Variants in UBE2QL1 observed in about 807,000 individuals in gnomAD.
UBE2QL1 encodes the protein ubiquitin conjugating enzyme E2 QL1.
UBE2QL1 carries 5 observed loss-of-function variants against 12.6 expected under a neutral mutation model. The observed-to-expected ratio is 0.40, with a 90% CI of 0.21 to 0.83. The LOEUF is 0.83. Among genes scored for constraint, UBE2QL1 ranks in the 40% least tolerant of loss-of-function variants. The pLI is 0.37. For missense variants in UBE2QL1, 99 were observed against 222.6 expected, an observed-to-expected ratio of 0.44 and a Z score of 3.53; for synonymous variants, 96 against 94.5, an observed-to-expected ratio of 1.02 and a Z score of -0.10.
At chr5:6,469,858 A>G (rs1352748091) in intron 1 of UBE2QL1, among the ~76,000 whole-genome samples, 2 of 152,232 alleles carry the variant, frequency 1.3e-5, no homozygotes, top group East Asian at 3.9e-4. Flanking sequence ...TGACGATAAC[A>G]ATTTATTAGA....
At chr5:6,451,028 G>C (rs968678287) in intron 1 of UBE2QL1, among the ~76,000 whole-genome samples, 1 of 152,162 alleles carries the variant, frequency 6.6e-6, no homozygotes, top group African/African-American at 2.4e-5. Context: ...TTTGCTTCTT[G>C]AATCATTGCT....
intron 1 of UBE2QL1, among the ~76,000 whole-genome samples, chr5:6,455,350 T>A (rs1263589126): frequency 6.6e-6 from 1 of 152,102 alleles, no homozygotes; most frequent in African/African-American, 2.4e-5. Flanking sequence ...CAGAGGCAGA[T>A]AAGACACCAG....
At chr5:6,460,862 C>T (rs1204221114) in intron 1 of UBE2QL1, among the ~76,000 whole-genome samples, 1 of 152,202 alleles carries the variant, frequency 6.6e-6, no homozygotes, top group African/African-American at 2.4e-5. Flanking sequence ...TTCTTTGTTA[C>T]AGAATGCAAT....
rs750077505 is a variant in UBE2QL1, at chr5:6,496,679, T to A, written c.*5330T>A. ...CTAATGAGAAAAAAAAAACAATGAT[T>A]CTAGAAAATAAAACTTTAAAACCAA... On this transcript the variant is annotated 3_prime_UTR_variant, in exon 2 of 2. Transcript: ENST00000399816. Among the ~76,000 whole-genome samples, 115 of 152,086 alleles carry A rather than the reference T, an allele frequency of 7.6e-4. 4 individuals are homozygous for A. The highest frequency in any genetic ancestry group is 1.8e-4 in the Non-Finnish European group (12 of 68,014).
intron 1 of UBE2QL1, among the ~76,000 whole-genome samples, chr5:6,457,892 C>T (rs1181724854): frequency 6.6e-6 from 1 of 152,214 alleles, no homozygotes; most frequent in Non-Finnish European, 1.5e-5. Context: ...AATCAATCCA[C>T]GAGAGGACGG....
intron 1 of UBE2QL1, among the ~76,000 whole-genome samples, chr5:6,483,010 G>A (rs905409560): frequency 6.6e-6 from 1 of 152,162 alleles, no homozygotes; most frequent in Non-Finnish European, 1.5e-5. Flanking sequence ...CGCCAGCAAG[G>A]CCTCCCTGCT....
intron 1 of UBE2QL1, among the ~76,000 whole-genome samples, chr5:6,452,107 T>C (rs1739423549): frequency 6.6e-6 from 1 of 152,238 alleles, no homozygotes; most frequent in South Asian, 2.1e-4. Context: ...CAGCTGAACT[T>C]TGTGAATTGA....
chr5:6,456,160 C>G (rs1053644058), intron 1 of UBE2QL1, among the ~76,000 whole-genome samples: 3 of 152,190 alleles, frequency 2.0e-5, no homozygotes, highest in African/African-American at 7.2e-5. Context: ...GGAACGTACC[C>G]TCTAATGGGG....
intron 1 of UBE2QL1, 98 bp downstream of exon 1, chr5:6,449,345 C>T (rs921719785): frequency 1.1e-5 from 13 of 1,144,550 alleles, no homozygotes; most frequent in Non-Finnish European, 1.3e-5. Context: ...GCGCCGGCCC[C>T]TCCGGCCATC....
intron 1 of UBE2QL1, among the ~76,000 whole-genome samples, chr5:6,483,666 A>G (rs559679144): frequency 1.3e-5 from 2 of 152,302 alleles, no homozygotes; most frequent in Non-Finnish European, 2.9e-5. Flanking sequence ...TTTTACTGTA[A>G]TAAGAATGGG....
At chr5:6,474,172 A>G (rs1180118856) in intron 1 of UBE2QL1, among the ~76,000 whole-genome samples, 1 of 152,232 alleles carries the variant, frequency 6.6e-6, no homozygotes, top group Non-Finnish European at 1.5e-5. Context: ...GGCTAAAATG[A>G]TGTTGCCTGT....
rs1271558124 is a variant in UBE2QL1 at position 6,496,528 on chromosome 5, G to C, written c.*5179G>C. On this transcript the variant is annotated 3_prime_UTR_variant, in exon 2 of 2. Transcript: ENST00000399816. ...GAGACTTTGGTGTATCCTGTTTCCA[G>C]AGTTGTCCTCTTCTGTGATCCTCAA... Among the ~76,000 whole-genome samples the C allele has an allele frequency of 6.6e-6, 1 of 152,112 alleles. No individual in the cohort carries two copies. The highest frequency in any genetic ancestry group is 6.5e-5 in the Admixed American group (1 of 15,276).
At position 6,491,502 on chromosome 5, in the gene UBE2QL1, A is replaced by G; in HGVS notation, c.*153A>G. The G allele has an allele frequency of 1.9e-6, 2 of 1,059,546 alleles. No individual in the cohort carries two copies. Among genetic ancestry groups the G allele is most frequent in the Non-Finnish European group, 2.6e-6 (2 of 771,860 alleles). 65.6% of individuals were successfully genotyped at this position (1,059,546 alleles called of 1,614,324 possible). The stretch of plus-strand genomic sequence containing the variant: ...AGACGTTTAAGTTATTTATGAAAAG[A>G]TGTGTGTACAGAGAGGAAGAGGGAG... On this transcript the variant is annotated 3_prime_UTR_variant, in exon 2 of 2. Transcript: ENST00000399816.
chr5:6,448,911 C>T lies in UBE2QL1; in HGVS notation c.18C>T (p.Asp6=). MKELQ[D]IARLSDRFIS... ...GGCGGCTCATGAAGGAGCTGCAGGACATCGCGCGCCTTAGCGACCGCTTCA... is the reference window on the plus strand; with the variant it reads ...GGCGGCTCATGAAGGAGCTGCAGGATATCGCGCGCCTTAGCGACCGCTTCA... Residue 6 remains aspartate (D), a synonymous_variant, in exon 1 of 2, where the codon GAC becomes GAT. Transcript: ENST00000399816. 6.5e-7 allele frequency: 1 copy of T among 1,539,032 alleles called. No individual in the cohort carries two copies. Among genetic ancestry groups the T allele is most frequent in the Non-Finnish European group, 8.8e-7 (1 of 1,141,784 alleles).
chr5:6,455,301 C>A (rs780475460), intron 1 of UBE2QL1, among the ~76,000 whole-genome samples: 42 of 152,104 alleles, frequency 2.8e-4, no homozygotes, highest in Admixed American at 5.9e-4. Context: ...CTCGTCCACA[C>A]CCAGGTTTAG....
chr5:6,473,459 G>C (rs947494405), intron 1 of UBE2QL1, among the ~76,000 whole-genome samples: 10 of 152,166 alleles, frequency 6.6e-5, no homozygotes, highest in Admixed American at 5.9e-4. Flanking sequence ...TCTCCACCCG[G>C]AACACACACG....
Position 6,476,317 on chromosome 5 carries a change from C to G in UBE2QL1, c.355-14901C>G, listed in dbSNP as rs948316089. ...ACGCGGTGCCCTCAGGGCAAATGCA[C>G]CAAGCATGGTTCCAGCTTATTTTGA... On this transcript the variant is annotated intron_variant, in intron 1 of 1. Transcript: ENST00000399816. The surrounding 1 kb of genome is among the most constrained non-coding windows in gnomAD (Gnocchi z 4.9). 6.6e-6 allele frequency among the ~76,000 whole-genome samples: 1 copy of G among 152,222 alleles called. No individual in the cohort carries two copies. Among genetic ancestry groups the G allele is most frequent in the African/African-American group, 2.4e-5 (1 of 41,458 alleles).
chr5:6,485,841 G>A (rs1734457870), intron 1 of UBE2QL1, among the ~76,000 whole-genome samples: 5 of 152,208 alleles, frequency 3.3e-5, no homozygotes, highest in Admixed American at 2.0e-4. Context: ...TAGAATTAAT[G>A]TATTAATGTC....
At chr5:6,466,494 G>A (rs769638731) in intron 1 of UBE2QL1, among the ~76,000 whole-genome samples, 20 of 152,242 alleles carry the variant, frequency 1.3e-4, no homozygotes, top group Non-Finnish European at 2.5e-4. Context: ...GGGCTGGGCA[G>A]TGTGGCCCCT....
Sources: gnomAD v4.1 joint callset for allele counts (sites outside exome capture counted in the v4.1 genomes callset) on GRCh38, gnomAD v4.1.1 for gene constraint, Gnocchi (gnomAD v3.1) non-coding constraint, MANE v1.5 for transcripts, NCBI Gene and HGNC (gene_info 2026-07-23, HGNC 2026-07-21) for gene names.